N4BP2L2: variants seen among roughly 807,000 people sequenced by gnomAD.
The protein encoded by N4BP2L2 is NEDD4-binding protein 2-like 2.
In N4BP2L2, 50 loss-of-function variants were observed where a neutral mutation model predicts 56.2. That is an observed-to-expected ratio of 0.89 (90% CI 0.71 to 1.13). The LOEUF is 1.13. Among genes scored for constraint, N4BP2L2 ranks in the 50% most tolerant of loss-of-function variants. The probability of loss-of-function intolerance (pLI) is 0.00; values close to 1 mark genes in which losing one functional copy is unlikely to be tolerated. For synonymous variants in N4BP2L2, 203 were observed against 223.6 expected (o/e 0.91, Z 0.82); for missense variants, 689 against 693.8 (o/e 0.99, Z 0.08).
intron 9 of N4BP2L2, among the ~76,000 whole-genome samples, chr13:32,435,208 T>C (rs192621918): frequency 8.7e-4 from 132 of 152,292 alleles, no homozygotes; most frequent in Non-Finnish European, 1.4e-3. Flanking sequence ...CTTCAGTGTC[T>C]GACATGAGCA....
Position 32,443,732 on chromosome 13 carries a change from T to C in N4BP2L2, c.760A>G (p.Asn254Asp), listed in dbSNP as rs139345781. ...ATTGGACAAGTAACGGAGATTTCAT[T>C]TGGCCTCAGTAACAAACTTACAAAC... Residue 254 changes from asparagine to aspartate, a missense_variant, in exon 7 of 10, where the codon AAT becomes GAT. Physicochemically the swap from Asn to Asp is conservative, Grantham distance 23. Transcript: ENST00000357505. 4.0e-3 allele frequency: 6,363 copies of C among 1,574,970 alleles called. 407 individuals are homozygous for C. In the Admixed American group the frequency reaches 0.11, roughly 28 times the overall value.
At chr13:32,490,762 G>A (rs991349806) in intron 6 of N4BP2L2, among the ~76,000 whole-genome samples, 9 of 152,112 alleles carry the variant, frequency 5.9e-5, no homozygotes, top group Admixed American at 4.6e-4. Context: ...CACATGCACA[G>A]TTCACAATAG....
chr13:32,438,684 T>C lies in N4BP2L2; in HGVS notation c.2158A>G (p.Met720Val), dbSNP rs763481354. Residue 720 changes from methionine (M) to valine (V), a missense_variant, in exon 8 of 10, where the codon ATG (methionine) becomes GTG (valine). Transcript: ENST00000357505. Reference sequence around the variant, plus strand: ...GACATCTTCCATTGCAAGTAGATCATCTTTAGTGTCTTCCAGTCAAGGGGA... The same window carrying C: ...GACATCTTCCATTGCAAGTAGATCACCTTTAGTGTCTTCCAGTCAAGGGGA... The C allele has an allele frequency of 1.9e-6, 3 of 1,610,666 alleles. No homozygotes were observed. In the South Asian group the frequency reaches 3.3e-5, roughly 18 times the overall value.
intron 2 of N4BP2L2, among the ~76,000 whole-genome samples, chr13:32,532,947 C>T (rs953349585): frequency 6.6e-6 from 1 of 150,990 alleles, no homozygotes; most frequent in African/African-American, 2.4e-5. Context: ...TGATCTCACA[C>T]TTCTGGCCTC....
exon 6 of N4BP2L2, chr13:32,511,082 C>T (rs2048035139): frequency 6.6e-6 from 1 of 152,010 alleles, no homozygotes; most frequent in Non-Finnish European, 1.5e-5. Flanking sequence ...CTAGAGAAAT[C>T]ATGTTAGGTA....
intron 6 of N4BP2L2, among the ~76,000 whole-genome samples, chr13:32,493,686 T>C (rs2087752802): frequency 1.3e-5 from 2 of 152,206 alleles, no homozygotes; most frequent in Non-Finnish European, 2.9e-5. Context: ...CAATCATGTT[T>C]CACACTATTT....
chr13:32,481,147 A>AAAAC (rs148970353), intron 6 of N4BP2L2, among the ~76,000 whole-genome samples: 3 of 149,838 alleles, frequency 2.0e-5, no homozygotes, highest in Non-Finnish European at 4.5e-5. Context: ...AAAAAAAAAA[A>AAAAC]AGGATTGCAC....
rs146329573 is a variant in N4BP2L2, at chr13:32,471,717, G to T, written c.366-27591C>A. Among the ~76,000 whole-genome samples, 1,149 of 152,364 alleles carry T rather than the reference G, an allele frequency of 7.5e-3. 21 individuals carry two copies. Among genetic ancestry groups the T allele is most frequent in the African/African-American group, 0.026 (1,066 of 41,584 alleles). On this transcript the variant is annotated intron_variant, in intron 6 of 9. Transcript: ENST00000357505. ...CTGACAGCCAAGATAAAAGCAGTGT[G>T]AGAGAGCTGCTGCGAGAGAGCTGCT...
chr13:32,433,368 C>T lies in N4BP2L2; in HGVS notation c.*22-396G>A, dbSNP rs546960843. Among the ~76,000 whole-genome samples, 8 of 152,304 alleles carry T rather than the reference C, an allele frequency of 5.3e-5. No homozygotes were observed. The South Asian group carries it at 1.4e-3, about 28-fold the overall frequency. On this transcript the variant is annotated intron_variant, in intron 9 of 9. Coordinates refer to the N4BP2L2 transcript ENST00000357505. ...TGTTTTGGCTGGGCACAATGGCTCA[C>T]GCCTGTAATCCCAGCATTTTGGGAG...
chr13:32,516,618 A>C (rs1426239282), exon 6 of N4BP2L2: 1 of 152,668 alleles, frequency 6.6e-6, no homozygotes, highest in Non-Finnish European at 1.5e-5. Flanking sequence ...CTTAAAGGCC[A>C]CAAAATATTA....
At chr13:32,442,097 A>C (rs1191487893) in intron 7 of N4BP2L2, among the ~76,000 whole-genome samples, 2 of 152,122 alleles carry the variant, frequency 1.3e-5, no homozygotes, top group Non-Finnish European at 2.9e-5. Context: ...CTGATTACAT[A>C]ATCCCTTTTT....
intron 6 of N4BP2L2, among the ~76,000 whole-genome samples, chr13:32,491,578 TATAA>T (rs1292388391): frequency 1.4e-5 from 2 of 147,244 alleles, no homozygotes; most frequent in Non-Finnish European, 3.0e-5. Context: ...ATAAACTATA[TATAA>T]ATTATATATA....
chr13:32,479,896 G>A (rs1435945839), intron 6 of N4BP2L2, among the ~76,000 whole-genome samples: 1 of 151,912 alleles, frequency 6.6e-6, no homozygotes, highest in Admixed American at 6.6e-5. Context: ...CGGAGAGAGA[G>A]ACAGAGACAC....
chr13:32,442,906 T>C (rs3742318), exon 7 of N4BP2L2: 330,267 of 1,611,136 alleles, frequency 0.2, 37,729 homozygotes, highest in South Asian at 0.41. Flanking sequence ...TTTTTGTTTA[T>C]TCTCCTCTTC....
At chr13:32,497,256 AC>A (rs2088913820) in intron 6 of N4BP2L2, among the ~76,000 whole-genome samples, 1 of 152,192 alleles carries the variant, frequency 6.6e-6, no homozygotes, top group Admixed American at 6.5e-5. Context: ...GGGAAAACAA[AC>A]AAAAACCCCA....
intron 4 of N4BP2L2, 35 bp downstream of exon 4, chr13:32,522,147 T>A: frequency 7.3e-7 from 1 of 1,368,924 alleles, no homozygotes; most frequent in Non-Finnish European, 1.0e-6. Context: ...TTGACAAGAA[T>A]AAAAAATAAA....
At chr13:32,508,042 T>C (rs1163521185), downstream of N4BP2L2, 1 of 151,900 alleles carries the variant, frequency 6.6e-6, no homozygotes, top group Non-Finnish European at 1.5e-5. Flanking sequence ...ACAAAAACCA[T>C]GATGTCAAGG....
chr13:32,444,768 C>T (rs1241174217), intron 6 of N4BP2L2, among the ~76,000 whole-genome samples: 1 of 152,074 alleles, frequency 6.6e-6, no homozygotes, highest in Non-Finnish European at 1.5e-5. Context: ...AGAAATGTGT[C>T]ATTAGGCAAT....
At chr13:32,466,153 A>G (rs914343152) in intron 6 of N4BP2L2, among the ~76,000 whole-genome samples, 7 of 152,210 alleles carry the variant, frequency 4.6e-5, no homozygotes, top group African/African-American at 1.7e-4. Flanking sequence ...TCTATCCATC[A>G]ATAGATCGAA....
Sources: gnomAD v4.1 joint callset for allele counts (sites outside exome capture counted in the v4.1 genomes callset) on GRCh38, gnomAD v4.1.1 for gene constraint, MANE v1.5 for transcripts, NCBI Gene and HGNC (gene_info 2026-07-23, HGNC 2026-07-21) for gene names.